The following ITPK1 variants were observed in gnomAD, a reference collection of about 807,000 sequenced individuals.
ITPK1 encodes inositol 1,3,4-trisphosphate 5/6-kinase.
ITPK1 carries 21 observed loss-of-function variants against 45.3 expected under a neutral mutation model. That is an observed-to-expected ratio of 0.46 (90% CI 0.33 to 0.67). The LOEUF is 0.67. Among genes scored for constraint, ITPK1 ranks in the 30% least tolerant of loss-of-function variants. The pLI, the probability that ITPK1 is intolerant of heterozygous loss-of-function variation, is 0.02. For synonymous variants in ITPK1, 258 were observed against 253.6 expected (o/e 1.02, Z -0.16); for missense variants, 474 against 573.5 (o/e 0.83, Z 1.77).
intron 5 of ITPK1, among the ~76,000 whole-genome samples, chr14:92,977,689 C>G (rs1340408770): frequency 6.6e-6 from 1 of 151,836 alleles, no homozygotes; most frequent in African/African-American, 2.4e-5. Flanking sequence ...GTCTTGTCAC[C>G]ATGTGAAGGT....
At position 93,058,948 on chromosome 14, in the gene ITPK1, G is replaced by C. The variant is rs1348757607; in HGVS notation, c.120+17647C>G. Among the ~76,000 whole-genome samples the C allele has an allele frequency of 2.5e-3, 49 of 19,838 alleles. 8 individuals are homozygous for C. The highest frequency in any genetic ancestry group is 0.016 in the African/African-American group (47 of 3,030). 13.0% of individuals were successfully genotyped at this position (19,838 alleles called of 152,430 possible). A position where few individuals can be genotyped will look rare whatever the true frequency, so the allele number is the denominator to read the frequency against. ...TGCGGGTCACGAGGCAGGGGTGGAG[G>C]GGGTGCGGATCATAAGGCAGGGGTG... On this transcript the variant is annotated intron_variant, in intron 3 of 10. Transcript: ENST00000267615.
chr14:93,106,237 G>T (rs1892518725), intron 2 of ITPK1, among the ~76,000 whole-genome samples: 1 of 144,224 alleles, frequency 6.9e-6, no homozygotes, highest in Non-Finnish European at 1.5e-5. Context: ...GACTGAACCA[G>T]ACCCACGGGG....
At chr14:93,088,475 C>T (rs774756928) in intron 2 of ITPK1, among the ~76,000 whole-genome samples, 3 of 151,448 alleles carry the variant, frequency 2.0e-5, no homozygotes, top group Non-Finnish European at 4.4e-5. Context: ...AGCTACTTGG[C>T]CACCCAAGTA....
intron 5 of ITPK1, among the ~76,000 whole-genome samples, chr14:92,989,568 T>C (rs57607796): frequency 0.39 from 59,317 of 152,046 alleles, 12,589 homozygotes; most frequent in African/African-American, 0.53. Context: ...AGCACAGCCA[T>C]GCCTTGGCTT....
At chr14:92,953,312 G>A (rs1186335644) in intron 8 of ITPK1, among the ~76,000 whole-genome samples, 1 of 152,256 alleles carries the variant, frequency 6.6e-6, no homozygotes, top group Admixed American at 6.5e-5. Flanking sequence ...CAGTCCTCCT[G>A]CTGCTCTGAC....
intron 3 of ITPK1, among the ~76,000 whole-genome samples, chr14:93,045,653 C>A (rs939224871): frequency 6.6e-6 from 1 of 152,058 alleles, no homozygotes; most frequent in Non-Finnish European, 1.5e-5. Flanking sequence ...GGCAACACAG[C>A]GAAACCCTAT....
intron 2 of ITPK1, among the ~76,000 whole-genome samples, chr14:93,082,897 G>C (rs370192621): frequency 1.3e-5 from 2 of 152,178 alleles, no homozygotes; most frequent in African/African-American, 4.8e-5. Flanking sequence ...CAAATTCCCC[G>C]GCCAGACCCG....
chr14:92,984,569 A>T (rs1413686176), intron 5 of ITPK1, among the ~76,000 whole-genome samples: 1 of 152,192 alleles, frequency 6.6e-6, no homozygotes, highest in African/African-American at 2.4e-5. Context: ...CAGACTAAAG[A>T]TTCATATTAA....
In ITPK1 at chr14:92,976,598, C is replaced by T. The variant is rs137998640; in HGVS notation, c.365-13749G>A. The stretch of plus-strand genomic sequence containing the variant: ...GATGACATGTGTTGGGCACTTAACA[C>T]AGCATATGCAGGGCTTAATGTCAAC... On this transcript the variant is annotated intron_variant, in intron 5 of 10. Transcript: ENST00000267615. Among the ~76,000 whole-genome samples, 15 of 152,340 alleles carry T rather than the reference C, an allele frequency of 9.8e-5. No homozygotes were observed. In the East Asian group the frequency reaches 2.5e-3, roughly 25 times the overall value.
intron 5 of ITPK1, among the ~76,000 whole-genome samples, chr14:92,974,369 C>T (rs1162853766): frequency 6.6e-6 from 1 of 152,188 alleles, no homozygotes; most frequent in Non-Finnish European, 1.5e-5. Flanking sequence ...AGTTCCAGAT[C>T]CTGAAGCTGG....
intron 3 of ITPK1, chr14:93,068,682 GC>G (rs1165384195): frequency 3.9e-5 from 6 of 152,188 alleles, no homozygotes; most frequent in Non-Finnish European, 8.8e-5. Context: ...AGTATGGGTG[GC>G]AGAGGGAACC....
intron 4 of ITPK1, among the ~76,000 whole-genome samples, chr14:93,002,160 C>T (rs879850883): frequency 6.6e-6 from 1 of 152,096 alleles, no homozygotes; most frequent in Non-Finnish European, 1.5e-5. Flanking sequence ...TCAAGACCAG[C>T]CTGGGCAACA....
chr14:93,031,014 GC>G (rs1595153058), intron 3 of ITPK1, among the ~76,000 whole-genome samples: 1 of 152,186 alleles, frequency 6.6e-6, no homozygotes, highest in Non-Finnish European at 1.5e-5. Flanking sequence ...GCTGGAACAG[GC>G]CCCGCTGCCT....
At chr14:93,011,617 G>A (rs987461120) in intron 4 of ITPK1, among the ~76,000 whole-genome samples, 4 of 152,214 alleles carry the variant, frequency 2.6e-5, no homozygotes, top group African/African-American at 9.6e-5. Flanking sequence ...GGCTGGGCAA[G>A]GCTCAAGCTG....
Position 93,012,030 on chromosome 14 carries a change from G to A in ITPK1, c.246+4646C>T, listed in dbSNP as rs370910620. Among the ~76,000 whole-genome samples the A allele has an allele frequency of 9.2e-5, 14 of 152,170 alleles. No homozygotes were observed. In the East Asian group the frequency reaches 2.3e-3, roughly 25 times the overall value. ...AGGCAGCGCCATCTGCCTCATTAAC[G>A]CTCCTGGCCTCCTCCCTCCCCGCTC... On this transcript the variant is annotated intron_variant, in intron 4 of 10. Transcript: ENST00000267615. This position sits in a 1 kb window ranked among gnomAD's most constrained non-coding sequence, Gnocchi z 4.9.
chr14:93,020,318 G>A (rs1888405672), intron 3 of ITPK1, among the ~76,000 whole-genome samples: 1 of 152,164 alleles, frequency 6.6e-6, no homozygotes, highest in African/African-American at 2.4e-5. Flanking sequence ...TCTCTCCCAG[G>A]ATCTGGAACT....
intron 2 of ITPK1, among the ~76,000 whole-genome samples, chr14:93,112,496 G>A (rs995782648): frequency 6.9e-6 from 1 of 145,260 alleles, no homozygotes; most frequent in African/African-American, 2.6e-5. Flanking sequence ...CTAGAGTGCA[G>A]TGGCACCATC....
chr14:93,111,215 C>T (rs926807122), intron 2 of ITPK1, among the ~76,000 whole-genome samples: 2 of 152,182 alleles, frequency 1.3e-5, no homozygotes, highest in Non-Finnish European at 2.9e-5. Flanking sequence ...CCTCCTGCAA[C>T]GTAGGTTCAG....
chr14:93,005,240 C>T (rs919185518), intron 4 of ITPK1, among the ~76,000 whole-genome samples: 2 of 152,076 alleles, frequency 1.3e-5, no homozygotes, highest in East Asian at 3.9e-4. Flanking sequence ...GGGCTGCCTT[C>T]ATCTTTTATA....
Sources: gnomAD v4.1 joint callset for allele counts (sites outside exome capture counted in the v4.1 genomes callset) on GRCh38, gnomAD v4.1.1 for gene constraint, Gnocchi (gnomAD v3.1) non-coding constraint, MANE v1.5 for transcripts, NCBI Gene and HGNC (gene_info 2026-07-23, HGNC 2026-07-21) for gene names.